SYNCRIP: variants seen among roughly 807,000 people sequenced by gnomAD.
SYNCRIP encodes the protein heterogeneous nuclear ribonucleoprotein Q.
Under a neutral mutation model 68.9 loss-of-function variants are expected in SYNCRIP, and 9 were observed. That is an observed-to-expected ratio of 0.13 (90% confidence interval 0.08 to 0.23). The LOEUF (loss-of-function observed/expected upper bound fraction) is 0.23, where lower values mean the gene tolerates loss of function less well. Among genes scored for constraint, SYNCRIP ranks in the 10% least tolerant of loss-of-function variants. The probability of loss-of-function intolerance (pLI) is 1.00; values close to 1 mark genes in which losing one functional copy is unlikely to be tolerated. For synonymous variants in SYNCRIP, 258 were observed against 254.0 expected, an observed-to-expected ratio of 1.02 and a Z score of -0.15; for missense variants, 414 against 770.6, an observed-to-expected ratio of 0.54 and a Z score of 5.48.
rs192060280 is a variant in SYNCRIP at position 85,638,188 on chromosome 6, A to G, written c.376-832T>C. Reference sequence around the variant, plus strand: ...GGAGCTCAAGACCAGCCTGGCCAAGATGGTGAAACCCTGTCTCTACTAAAA... The same window carrying G: ...GGAGCTCAAGACCAGCCTGGCCAAGGTGGTGAAACCCTGTCTCTACTAAAA... On this transcript the variant is annotated intron_variant, in intron 4 of 10. Coordinates refer to ENST00000369622, the MANE Select transcript of SYNCRIP (RefSeq NM_006372.5). Among the ~76,000 whole-genome samples, 178 of 152,190 alleles carry G rather than the reference A, an allele frequency of 1.2e-3. 1 individual carries two copies. The highest frequency in any genetic ancestry group is 4.3e-3 in the African/African-American group (177 of 41,530).
chr6:85,629,516 CAAAAAAA>C (rs781083306), intron 6 of SYNCRIP, among the ~76,000 whole-genome samples: 2 of 64,924 alleles, frequency 3.1e-5, no homozygotes, highest in African/African-American at 7.3e-5. Context: ...ACTAAAAATA[CAAAAAAA>C]AAAAAAAAAA....
rs184695692 is a variant in SYNCRIP, at chr6:85,633,996, G to A, written c.666+2971C>T. ...ATAGTACAAAATAATTATGCCCCCA[G>A]AAAAGGATTCAAATCACAACAGAGA... On this transcript the variant is annotated intron_variant, in intron 6 of 10. Coordinates refer to ENST00000369622, the MANE Select transcript of SYNCRIP (RefSeq NM_006372.5). Among the ~76,000 whole-genome samples, 857 of 152,228 alleles carry A rather than the reference G, an allele frequency of 5.6e-3. 4 individuals carry two copies. The highest frequency in any genetic ancestry group is 8.7e-3 in the Non-Finnish European group (594 of 68,012).
In SYNCRIP at chr6:85,633,950, G is replaced by A. The variant is rs181565650; in HGVS notation, c.666+3017C>T. 1.8e-3 allele frequency among the ~76,000 whole-genome samples: 275 copies of A among 152,204 alleles called. 4 individuals carry two copies. Among genetic ancestry groups the A allele is most frequent in the African/African-American group, 6.4e-3 (266 of 41,532 alleles). ...AGTATCTTTTAAAAGACAACAAAAT[G>A]CAAAGTCTCCTATTAATTAGATAGT... On this transcript the variant is annotated intron_variant, in intron 6 of 10. Coordinates refer to ENST00000369622, the MANE Select transcript of SYNCRIP (RefSeq NM_006372.5).
Position 85,621,601 on chromosome 6 carries a change from G to A in SYNCRIP, c.1008+881C>T, listed in dbSNP as rs542391657. The stretch of plus-strand genomic sequence containing the variant: ...GCCCTGGGCCACAGATCTAGACCCT[G>A]TCACTTAAAAAAAAAAAAAAAAAAA... On this transcript the variant is annotated intron_variant, in intron 8 of 10. Transcript: ENST00000369622. Among the ~76,000 whole-genome samples the A allele has an allele frequency of 1.3e-3, 170 of 127,662 alleles. 1 individual carries two copies. Among genetic ancestry groups the A allele is most frequent in the African/African-American group, 5.6e-3 (156 of 27,776 alleles). 83.8% of individuals were successfully genotyped at this position (127,662 alleles called of 152,430 possible). A position where few individuals can be genotyped will look rare whatever the true frequency, so the allele number is the denominator to read the frequency against.
Position 85,623,968 on chromosome 6 carries a change from C to G in SYNCRIP, c.802+9G>C, listed in dbSNP as rs751163317. 5 of 1,613,390 alleles carry G rather than the reference C, an allele frequency of 3.1e-6. No individual in the cohort carries two copies. Among genetic ancestry groups the G allele is most frequent in the Non-Finnish European group, 4.2e-6 (5 of 1,179,766 alleles). ...AAGCTGCACCTCATTCCAAATAAATCCAACTTACCTGTTACTTTGCTAAAT... is the reference window on the plus strand; with the variant it reads ...AAGCTGCACCTCATTCCAAATAAATGCAACTTACCTGTTACTTTGCTAAAT... On this transcript the variant is annotated intron_variant, in intron 7 of 10. Coordinates refer to ENST00000369622, the MANE Select transcript of SYNCRIP (RefSeq NM_006372.5).
intron 10 of SYNCRIP, among the ~76,000 whole-genome samples, chr6:85,616,324 TTTTA>T (rs939539623): frequency 1.4e-4 from 21 of 152,182 alleles, no homozygotes; most frequent in South Asian, 2.1e-4. Flanking sequence ...TGTTATGTTA[TTTTA>T]TTTATTTATT....
chr6:85,626,724 C>T lies in SYNCRIP; in HGVS notation c.667-2612G>A, dbSNP rs183615037. 8.5e-5 allele frequency among the ~76,000 whole-genome samples: 13 copies of T among 152,282 alleles called. No homozygotes were observed. The East Asian group carries it at 2.5e-3, about 29-fold the overall frequency. ...CTAATCTGTAACATAGGCAACACTT[C>T]CATTAACCATCAACATTAACAATGC... On this transcript the variant is annotated intron_variant, in intron 6 of 10. Coordinates refer to ENST00000369622, the MANE Select transcript of SYNCRIP (RefSeq NM_006372.5).
Position 85,614,932 on chromosome 6 carries a change from T to G in SYNCRIP, c.1696A>C (p.Lys566Gln). The G allele has an allele frequency of 6.2e-7, 1 of 1,614,158 alleles. No individual in the cohort carries two copies. Among genetic ancestry groups the G allele is most frequent in the Non-Finnish European group, 8.5e-7 (1 of 1,180,020 alleles). The change falls in exon 11 of 11, where the codon AAA (lysine) becomes CAA (glutamine). Residue 566 changes from lysine to glutamine, a missense_variant. Lys to Gln is a moderately conservative substitution (Grantham distance 53). Transcript: ENST00000369622. ...GRGGNVGGKR[K>Q]ADGYNQPDSK... ...TCTGGCTGGTTGTACCCATCAGCTT[T>G]GCGCTTTCCTCCTACATTTCCACCG... is the stretch of plus-strand genomic sequence containing the variant.
At chr6:85,610,013 T>G (rs1805121698), downstream of SYNCRIP, 1 of 151,974 alleles carries the variant, frequency 6.6e-6, no homozygotes, top group African/African-American at 2.4e-5. Context: ...ATTTTTGCAT[T>G]TCCATTTCTC....
intron 3 of SYNCRIP, 27 bp downstream of exon 3, chr6:85,640,419 T>A (rs745354035): frequency 5.7e-6 from 9 of 1,587,120 alleles, no homozygotes; most frequent in South Asian, 1.1e-5. Flanking sequence ...TCAAATTTTT[T>A]AATTTTCACA....
chr6:85,630,430 T>A (rs748716231), intron 6 of SYNCRIP, among the ~76,000 whole-genome samples: 2 of 152,226 alleles, frequency 1.3e-5, no homozygotes, highest in Admixed American at 1.3e-4. Flanking sequence ...TGCTTGTACA[T>A]AGACATTATT....
chr6:85,635,137 C>T (rs922189131), intron 6 of SYNCRIP, among the ~76,000 whole-genome samples: 1 of 152,092 alleles, frequency 6.6e-6, no homozygotes, highest in Non-Finnish European at 1.5e-5. Flanking sequence ...CACACTCCAG[C>T]GTGGGTGACA....
intron 1 of SYNCRIP, 121 bp from the exon 2 acceptor site, chr6:85,641,572 A>T: frequency 1.0e-6 from 1 of 981,368 alleles, no homozygotes; most frequent in Non-Finnish European, 1.5e-6. Flanking sequence ...ACCTCCCTTT[A>T]AAAAAGCCTT....
At chr6:85,622,449 C>G (rs1395032999) in intron 8 of SYNCRIP, 33 bp downstream of exon 8, 1 of 1,604,806 alleles carries the variant, frequency 6.2e-7, no homozygotes, top group Admixed American at 1.7e-5. Context: ...CCATTAATCC[C>G]TCAAAAAATA....
chr6:85,631,252 C>A lies in SYNCRIP; in HGVS notation c.666+5715G>T, dbSNP rs116178333. Among the ~76,000 whole-genome samples, 78 of 149,892 alleles carry A rather than the reference C, an allele frequency of 5.2e-4. 1 individual carries two copies. Among genetic ancestry groups the A allele is most frequent in the African/African-American group, 1.9e-3 (75 of 40,534 alleles). On this transcript the variant is annotated intron_variant, in intron 6 of 10. Transcript: ENST00000369622. ...CAGCTACTCAGTGGCTGAGGCAGAA[C>A]TGCTTGAACCCAGGAGGCAGAGGGT... is the stretch of plus-strand genomic sequence containing the variant.
At position 85,615,415 on chromosome 6, in the gene SYNCRIP, AT is replaced by A. The variant is rs901230745; in HGVS notation, c.1281-69del. The A allele has an allele frequency of 2.0e-5, 21 of 1,045,614 alleles. No homozygotes were observed. In the Middle Eastern group the frequency reaches 1.3e-3, roughly 64 times the overall value. 64.8% of individuals were successfully genotyped at this position (1,045,614 alleles called of 1,614,324 possible). A position where few individuals can be genotyped will look rare whatever the true frequency, so the allele number is the denominator to read the frequency against. ...TTAGTTAACAAGTAGGCATTTAGCC[AT>A]TTGTAACAGTTTAAATCCAGAGTTT... On this transcript the variant is annotated intron_variant, in intron 10 of 10. Transcript: ENST00000369622.
intron 8 of SYNCRIP, among the ~76,000 whole-genome samples, chr6:85,621,383 T>C (rs1470990817): frequency 1.3e-5 from 2 of 152,044 alleles, no homozygotes; most frequent in Admixed American, 6.5e-5. Flanking sequence ...GGAAGCAGGA[T>C]TGCTTAAGGC....
At chr6:85,640,642 T>C (rs1049496845) in intron 2 of SYNCRIP, 78 bp from the exon 3 acceptor site, 10 of 806,106 alleles carry the variant, frequency 1.2e-5, no homozygotes, top group African/African-American at 3.5e-5. Flanking sequence ...GCAATACAGG[T>C]ACATGTGTGC....
downstream of SYNCRIP, among the ~76,000 whole-genome samples, chr6:85,613,235 T>A (rs1805390190): frequency 3.9e-5 from 6 of 152,080 alleles, no homozygotes; most frequent in Admixed American, 3.9e-4. Context: ...AAGTCACACC[T>A]TAAAGTTACC....
Sources: gnomAD v4.1 joint callset for allele counts (sites outside exome capture counted in the v4.1 genomes callset) on GRCh38, gnomAD v4.1.1 for gene constraint, MANE v1.5 for transcripts, NCBI Gene and HGNC (gene_info 2026-07-23, HGNC 2026-07-21) for gene names.